Variants in DENND5A observed in about 807,000 individuals in gnomAD.
DENND5A encodes DENN domain containing 5A.
A neutral mutation model predicts 140.3 loss-of-function variants in DENND5A; 64 were observed. That is an observed-to-expected ratio of 0.46 (90% CI 0.37 to 0.56). The LOEUF is 0.56. DENND5A is among the 20% of genes least tolerant of loss of function. The probability of loss-of-function intolerance (pLI) is 0.00; values close to 1 mark genes in which losing one functional copy is unlikely to be tolerated. For synonymous variants in DENND5A, 605 were observed against 607.7 expected (o/e 1.00, Z 0.07); for missense variants, 1,292 against 1,593.8 (o/e 0.81, Z 3.22).
rs746001198 is a variant in DENND5A at position 9,219,498 on chromosome 11, C to CA, written c.110-11867dup. Among the ~76,000 whole-genome samples the CA allele has an allele frequency of 1.4e-3, 204 of 147,632 alleles. 3 individuals carry two copies. The South Asian group carries it at 0.025, about 18-fold the overall frequency. On this transcript the variant is annotated intron_variant, in intron 1 of 22. Transcript: ENST00000328194. ...GAAAGAAATTTCAAACATGTAATCT[C>CA]AAAAAAAGAATGTATTTTCTATGAA...
intron 4 of DENND5A, among the ~76,000 whole-genome samples, chr11:9,198,092 A>G (rs948483751): frequency 3.3e-5 from 5 of 152,218 alleles, no homozygotes; most frequent in Non-Finnish European, 5.9e-5. Context: ...GTGTAAATAA[A>G]TGGTAAAATC....
At chr11:9,241,998 G>C (rs1164335372) in intron 1 of DENND5A, among the ~76,000 whole-genome samples, 12 of 137,124 alleles carry the variant, frequency 8.8e-5, no homozygotes, top group African/African-American at 3.3e-4. Context: ...TGGGCAACAT[G>C]AGCGAAACTC....
intron 1 of DENND5A, among the ~76,000 whole-genome samples, chr11:9,264,217 T>A (rs72861322): frequency 1.3e-5 from 2 of 152,112 alleles, no homozygotes; most frequent in African/African-American, 4.8e-5. Context: ...CATCTTTGAC[T>A]CCCCTCATCA....
In DENND5A at chr11:9,217,511, G is replaced by A. The variant is rs753592857; in HGVS notation, c.110-9879C>T. On this transcript the variant is annotated intron_variant, in intron 1 of 22. Transcript: ENST00000328194. ...CCTGGGCAATAAGAGCAAAAATTCC[G>A]TCTCAAATTAATTAATTAATTAATT... is the stretch of plus-strand genomic sequence containing the variant. 1.1e-4 allele frequency among the ~76,000 whole-genome samples: 16 copies of A among 152,098 alleles called. No homozygotes were observed. In the Middle Eastern group the frequency reaches 0.01, roughly 97 times the overall value.
chr11:9,204,114 A>T lies in DENND5A; in HGVS notation c.495T>A (p.His165Gln). Residue 165 changes from histidine (H) to glutamine (Q), a missense_variant, in exon 4 of 23, where the codon CAT becomes CAA. Transcript: ENST00000328194. ...GGTCTCTGTCATCAGCAGGGGGAGC[A>T]TGTAGGACATCATACTCAGCATTGT... ...HMHNAEYDVL[H>Q]APPADDRDQS... is the part of the protein sequence containing the mutation. 1 of 1,614,188 alleles carries T rather than the reference A, an allele frequency of 6.2e-7. No individual in the cohort carries two copies.
At position 9,165,073 on chromosome 11, in the gene DENND5A, C is replaced by T. The variant is rs374939402; in HGVS notation, c.2283+763G>A. 3.9e-5 allele frequency among the ~76,000 whole-genome samples: 6 copies of T among 152,270 alleles called. No homozygotes were observed. The South Asian group carries it at 1.2e-3, about 32-fold the overall frequency. ...GGAGTGCAATGGCGCGATCTCGGCT[C>T]ACTGCAACCTCCGCCTCCCGGGTTC... On this transcript the variant is annotated intron_variant, in intron 11 of 22. Transcript: ENST00000328194.
At chr11:9,157,380 T>C (rs1233943570) in intron 12 of DENND5A, among the ~76,000 whole-genome samples, 2 of 152,226 alleles carry the variant, frequency 1.3e-5, no homozygotes, top group East Asian at 1.9e-4. Flanking sequence ...GTTTGTTATA[T>C]AGGTAAACTG....
intron 11 of DENND5A, among the ~76,000 whole-genome samples, chr11:9,163,234 A>G (rs143302213): frequency 8.5e-4 from 129 of 152,302 alleles, no homozygotes; most frequent in African/African-American, 2.9e-3. Flanking sequence ...ACATGCTCCA[A>G]AAGTTTCTCT....
chr11:9,196,120 T>C (rs909516765), intron 4 of DENND5A, among the ~76,000 whole-genome samples: 2 of 152,054 alleles, frequency 1.3e-5, no homozygotes, highest in African/African-American at 4.8e-5. Context: ...GCCTGGCTAA[T>C]TTTTGTATTT....
intron 3 of DENND5A, among the ~76,000 whole-genome samples, chr11:9,204,672 G>C (rs1464777877): frequency 6.6e-6 from 1 of 152,148 alleles, no homozygotes; most frequent in Non-Finnish European, 1.5e-5. Flanking sequence ...AGACCAGCCT[G>C]GGCAACATGG....
chr11:9,229,739 G>A (rs1850682744), intron 1 of DENND5A, among the ~76,000 whole-genome samples: 2 of 151,946 alleles, frequency 1.3e-5, no homozygotes, highest in South Asian at 2.1e-4. Flanking sequence ...GACAGGCCTT[G>A]CTGGGTCCCC....
intron 8 of DENND5A, chr11:9,175,714 A>T (rs188123610): frequency 7.2e-5 from 11 of 152,360 alleles, no homozygotes; most frequent in Admixed American, 7.2e-4. Context: ...TTTTGACAAA[A>T]GCAAAAAGGC....
At chr11:9,212,025 C>G (rs1183862341) in intron 1 of DENND5A, among the ~76,000 whole-genome samples, 1 of 150,994 alleles carries the variant, frequency 6.6e-6, no homozygotes, top group Non-Finnish European at 1.5e-5. Context: ...AGGAGAGATA[C>G]TGACCTTGAA....
intron 22 of DENND5A, among the ~76,000 whole-genome samples, chr11:9,140,554 C>T (rs2136107948): frequency 6.6e-6 from 1 of 152,324 alleles, no homozygotes; most frequent in South Asian, 2.1e-4. Context: ...ATTAATATTA[C>T]TTCAGTCCCC....
In DENND5A at chr11:9,234,322, C is replaced by CA. The variant is rs1554931939; in HGVS notation, c.110-26691dup. ...CAATCTTTCCCACCGATCCCCCCCCCAAAAAAATGAGCAAAAAGAGAAATT... is the reference window on the plus strand; with the variant it reads ...CAATCTTTCCCACCGATCCCCCCCCCAAAAAAAATGAGCAAAAAGAGAAATT... On this transcript the variant is annotated intron_variant, in intron 1 of 22. Coordinates refer to ENST00000328194, the MANE Select transcript of DENND5A (RefSeq NM_015213.4). Among the ~76,000 whole-genome samples, 91 of 151,782 alleles carry CA rather than the reference C, an allele frequency of 6.0e-4. 1 individual carries two copies. The South Asian group carries it at 7.1e-3, about 12-fold the overall frequency.
chr11:9,204,764 G>A (rs1228160391), intron 3 of DENND5A, among the ~76,000 whole-genome samples: 5 of 152,188 alleles, frequency 3.3e-5, no homozygotes, highest in African/African-American at 7.2e-5. Flanking sequence ...TGGGGAGGCC[G>A]AGGCATAAGA....
At chr11:9,243,984 A>G (rs1162255515) in intron 1 of DENND5A, among the ~76,000 whole-genome samples, 2 of 152,222 alleles carry the variant, frequency 1.3e-5, no homozygotes, top group Non-Finnish European at 2.9e-5. Flanking sequence ...AACATACAAA[A>G]TATGTGTTAA....
At chr11:9,193,460 T>C (rs776403129) in intron 5 of DENND5A, 34 bp downstream of exon 5, 11 of 1,508,208 alleles carry the variant, frequency 7.3e-6, no homozygotes, top group South Asian at 1.4e-5. Flanking sequence ...CAATCCTGGA[T>C]TGGGGCCAGA....
chr11:9,158,110 T>G (rs1369062220), intron 12 of DENND5A, among the ~76,000 whole-genome samples: 1 of 152,194 alleles, frequency 6.6e-6, no homozygotes, highest in East Asian at 1.9e-4. Flanking sequence ...GTATGGCACA[T>G]CTATACAACA....
Sources: allele counts gnomAD v4.1 joint callset (sites outside exome capture counted in the v4.1 genomes callset), GRCh38; gene constraint gnomAD v4.1.1; transcripts MANE v1.5; gene names NCBI Gene and HGNC (gene_info 2026-07-23, HGNC 2026-07-21).